The following CSNK1G3 variants were observed in gnomAD, a reference collection of about 807,000 sequenced individuals.
CSNK1G3 encodes casein kinase I isoform gamma-3.
A neutral mutation model predicts 64.3 loss-of-function variants in CSNK1G3; 23 were observed. The observed-to-expected ratio is 0.36, with a 90% confidence interval of 0.26 to 0.51. The LOEUF is 0.51. CSNK1G3 is among the 20% of genes least tolerant of loss of function. The pLI is 0.96. For missense variants in CSNK1G3, 357 were observed against 510.5 expected (o/e 0.70, Z 2.90); for synonymous variants, 158 against 162.2 (o/e 0.97, Z 0.20).
chr5:123,517,151 A>C (rs2149908457), intron 1 of CSNK1G3, among the ~76,000 whole-genome samples: 1 of 152,322 alleles, frequency 6.6e-6, no homozygotes, highest in South Asian at 2.1e-4. Flanking sequence ...ACCCTATTAC[A>C]GGAAAATCTC....
chr5:123,519,346 C>T (rs1777706552), intron 1 of CSNK1G3, among the ~76,000 whole-genome samples: 1 of 152,230 alleles, frequency 6.6e-6, no homozygotes, highest in African/African-American at 2.4e-5. Flanking sequence ...AGCCACTGTG[C>T]CCGGCTGGGT....
chr5:123,535,886 A>C (rs528525038), intron 1 of CSNK1G3, among the ~76,000 whole-genome samples: 26 of 152,234 alleles, frequency 1.7e-4, no homozygotes, highest in Non-Finnish European at 2.4e-4. Context: ...CAGACTTGGC[A>C]CTTGACTCTG....
chr5:123,556,006 G>A (rs964366905), intron 3 of CSNK1G3, among the ~76,000 whole-genome samples: 3 of 151,972 alleles, frequency 2.0e-5, no homozygotes, highest in Admixed American at 6.6e-5. Flanking sequence ...TACAGATGAG[G>A]GAACTGGAAA....
intron 6 of CSNK1G3, among the ~76,000 whole-genome samples, chr5:123,577,501 AG>A (rs1333894158): frequency 6.6e-6 from 1 of 151,964 alleles, no homozygotes; most frequent in Admixed American, 6.6e-5. Flanking sequence ...AGTACAAAAT[AG>A]TATTTCCCTT....
intron 12 of CSNK1G3, among the ~76,000 whole-genome samples, chr5:123,608,969 G>T (rs1000314618): frequency 1.2e-4 from 18 of 152,132 alleles, no homozygotes; most frequent in African/African-American, 4.3e-4. Flanking sequence ...AAGTCCTCAT[G>T]GGTAAGGATG....
At chr5:123,591,272 G>T in intron 9 of CSNK1G3, 47 bp from the exon 10 acceptor site, 4 of 1,175,320 alleles carry the variant, frequency 3.4e-6, no homozygotes, top group Non-Finnish European at 4.7e-6. Flanking sequence ...TTTTAAATAA[G>T]AATTTTAAAA....
intron 9 of CSNK1G3, 108 bp downstream of exon 9, chr5:123,590,666 TC>T: frequency 1.4e-6 from 1 of 713,412 alleles, no homozygotes. Context: ...TTTAAAGGAT[TC>T]ATTTTATTGT....
intron 1 of CSNK1G3, among the ~76,000 whole-genome samples, chr5:123,525,425 C>G (rs1202101552): frequency 1.3e-5 from 2 of 151,698 alleles, no homozygotes; most frequent in African/African-American, 4.8e-5. Flanking sequence ...CTTCTTCTGT[C>G]TCAGCCTCTC....
chr5:123,545,595 T>A, exon 2 of CSNK1G3: 1 of 1,341,502 alleles, frequency 7.5e-7, no homozygotes, highest in African/African-American at 1.5e-5. Flanking sequence ...TGTACCTATT[T>A]TCACAATACC....
intron 1 of CSNK1G3, among the ~76,000 whole-genome samples, chr5:123,517,297 T>TC (rs1036518522): frequency 6.6e-6 from 1 of 152,062 alleles, no homozygotes; most frequent in Admixed American, 6.6e-5. Flanking sequence ...GAACTTTTAT[T>TC]CCCCCCAGTT....
intron 1 of CSNK1G3, among the ~76,000 whole-genome samples, chr5:123,518,839 C>G (rs149870199): frequency 6.6e-6 from 1 of 152,134 alleles, no homozygotes; most frequent in Non-Finnish European, 1.5e-5. Flanking sequence ...AAATAGTGAT[C>G]GCTGTGTCTA....
intron 1 of CSNK1G3, among the ~76,000 whole-genome samples, chr5:123,540,325 A>G (rs1489319816): frequency 6.6e-6 from 1 of 151,926 alleles, no homozygotes; most frequent in Non-Finnish European, 1.5e-5. Context: ...TTTTTTGCTC[A>G]TTAAGACTAT....
intron 12 of CSNK1G3, among the ~76,000 whole-genome samples, chr5:123,607,583 C>T (rs1429745395): frequency 6.6e-6 from 1 of 152,052 alleles, no homozygotes; most frequent in Non-Finnish European, 1.5e-5. Context: ...AGTGATTGCC[C>T]AGGGCAGGGA....
At chr5:123,564,726 T>A (rs1786493082) in intron 4 of CSNK1G3, among the ~76,000 whole-genome samples, 1 of 152,182 alleles carries the variant, frequency 6.6e-6, no homozygotes. Context: ...GAAAGGACTG[T>A]TGCTCTTTTT....
At chr5:123,529,181 G>A (rs1779529919) in intron 1 of CSNK1G3, among the ~76,000 whole-genome samples, 2 of 152,172 alleles carry the variant, frequency 1.3e-5, no homozygotes, top group Admixed American at 1.3e-4. Flanking sequence ...TTAGTGCAAT[G>A]TTAATGAATC....
At chr5:123,531,819 T>G (rs2150099584) in intron 1 of CSNK1G3, among the ~76,000 whole-genome samples, 1 of 152,048 alleles carries the variant, frequency 6.6e-6, no homozygotes, top group African/African-American at 2.4e-5. Flanking sequence ...AGAGGCAATA[T>G]CTCTTGTAAA....
At chr5:123,572,528 A>G (rs1007540185) in intron 4 of CSNK1G3, among the ~76,000 whole-genome samples, 6 of 152,182 alleles carry the variant, frequency 3.9e-5, no homozygotes, top group Admixed American at 3.3e-4. Context: ...TCTTCTGTTT[A>G]GAGTCTTACC....
At chr5:123,590,833 A>G (rs1792200726) in intron 9 of CSNK1G3, among the ~76,000 whole-genome samples, 1 of 151,986 alleles carries the variant, frequency 6.6e-6, no homozygotes, top group Non-Finnish European at 1.5e-5. Context: ...TTTTTTGTGT[A>G]ATATTCTCAT....
chr5:123,567,800 T>TTTTAAA (rs1193682364), intron 4 of CSNK1G3, among the ~76,000 whole-genome samples: 1 of 152,224 alleles, frequency 6.6e-6, no homozygotes, highest in East Asian at 1.9e-4. Context: ...GGGCTGTGAA[T>TTTTAAA]TTTAAATCAT....
Sources: gnomAD v4.1 joint callset for allele counts (sites outside exome capture counted in the v4.1 genomes callset) on GRCh38, gnomAD v4.1.1 for gene constraint, MANE v1.5 for transcripts, NCBI Gene and HGNC (gene_info 2026-07-23, HGNC 2026-07-21) for gene names.